FBXO47: variants seen among roughly 807,000 people sequenced by gnomAD.
FBXO47 encodes the protein F-box only protein 47.
In FBXO47, 34 loss-of-function variants were observed where a neutral mutation model predicts 53.9. That is an observed-to-expected ratio of 0.63 (90% CI 0.48 to 0.84). The LOEUF (loss-of-function observed/expected upper bound fraction) is 0.84. Ranked by LOEUF, FBXO47 falls within the 40% of genes least tolerant of loss-of-function variation. The pLI, the probability that FBXO47 is intolerant of heterozygous loss-of-function variation, is 0.00. For missense variants in FBXO47, 485 were observed against 541.3 expected (o/e 0.90, Z 1.03); for synonymous variants, 165 against 181.6 (o/e 0.91, Z 0.73).
chr17:38,948,512 G>A (rs530744272), intron 6 of FBXO47, among the ~76,000 whole-genome samples: 3 of 151,936 alleles, frequency 2.0e-5, no homozygotes, highest in East Asian at 1.9e-4. Flanking sequence ...ACCACGCCCC[G>A]CCCCTATTCT....
At chr17:38,963,285 C>T (rs1001566855) in intron 1 of FBXO47, among the ~76,000 whole-genome samples, 3 of 152,052 alleles carry the variant, frequency 2.0e-5, no homozygotes, top group East Asian at 1.9e-4. Flanking sequence ...TCAAGTGGTT[C>T]TTCTGCCTCA....
At chr17:38,956,119 G>A (rs1905542625) in intron 4 of FBXO47, among the ~76,000 whole-genome samples, 1 of 149,944 alleles carries the variant, frequency 6.7e-6, no homozygotes, top group South Asian at 2.1e-4. Context: ...CTGGAGGACA[G>A]AGTGAGACTC....
At chr17:38,951,527 T>A (rs1301528169) in intron 6 of FBXO47, 54 bp downstream of exon 6, 42 of 1,334,696 alleles carry the variant, frequency 3.1e-5, no homozygotes, top group Non-Finnish European at 3.4e-5. Context: ...TAAAACTCTG[T>A]TTATTTTTTC....
intron 4 of FBXO47, 54 bp downstream of exon 4, chr17:38,957,123 A>T: frequency 1.7e-6 from 2 of 1,170,970 alleles, no homozygotes; most frequent in Non-Finnish European, 2.5e-6. Context: ...GATAATAATA[A>T]AATATCTTTA....
At chr17:38,956,067 T>G (rs1598146959) in intron 4 of FBXO47, among the ~76,000 whole-genome samples, 5 of 129,670 alleles carry the variant, frequency 3.9e-5, no homozygotes, top group Admixed American at 2.5e-4. Flanking sequence ...ACCTGGGAGG[T>G]GGAGCTTGCA....
At position 38,938,624 on chromosome 17, in the gene FBXO47, C is replaced by T. The variant is rs1299530498; in HGVS notation, c.1192G>A (p.Ala398Thr). Residue 398 changes from alanine to threonine, a missense_variant, in exon 10 of 11, where the codon GCA (alanine) becomes ACA (threonine). By Grantham distance (58) the Ala-to-Thr change is moderately conservative. Transcript: ENST00000378079. ...ATTATAACACATGCAAATGCATTTG[C>T]CACATTCTGCAGGAAGTTCTTTCTT... ...VERKNFLQNV[A>T]NAFACVIMEM... 1.2e-6 allele frequency: 2 copies of T among 1,613,646 alleles called. No homozygotes were observed. The highest frequency in any genetic ancestry group is 2.2e-5 in the South Asian group (2 of 91,068).
At chr17:38,967,142 C>T (rs1365471325) in intron 1 of FBXO47, 87 bp downstream of exon 1, 3 of 152,080 alleles carry the variant, frequency 2.0e-5, no homozygotes, top group Non-Finnish European at 4.4e-5. Flanking sequence ...GAGAATCAGA[C>T]CACACGGGGT....
intron 2 of FBXO47, 78 bp downstream of exon 2, chr17:38,962,767 G>A: frequency 4.9e-6 from 5 of 1,012,404 alleles, no homozygotes; most frequent in Non-Finnish European, 7.1e-6. Flanking sequence ...CATGGCCCAA[G>A]ATGACAAACT....
At chr17:38,959,251 T>C (rs542881963) in intron 3 of FBXO47, among the ~76,000 whole-genome samples, 1 of 152,114 alleles carries the variant, frequency 6.6e-6, no homozygotes, top group Non-Finnish European at 1.5e-5. Context: ...TCTTTCCACA[T>C]TGGCCATCTG....
intron 5 of FBXO47, among the ~76,000 whole-genome samples, chr17:38,951,901 G>T (rs1888786530): frequency 6.6e-6 from 1 of 152,108 alleles, no homozygotes; most frequent in Non-Finnish European, 1.5e-5. Flanking sequence ...GTGGTGGCGG[G>T]CACCTGTAAT....
chr17:38,940,354 T>C (rs1414251528), intron 9 of FBXO47, among the ~76,000 whole-genome samples: 3 of 151,934 alleles, frequency 2.0e-5, no homozygotes, highest in Non-Finnish European at 1.5e-5. Flanking sequence ...TTTCTCTTCA[T>C]TACATTTGCT....
chr17:38,966,704 A>G (rs527547889), intron 1 of FBXO47, among the ~76,000 whole-genome samples: 2 of 152,316 alleles, frequency 1.3e-5, no homozygotes, highest in South Asian at 4.1e-4. Flanking sequence ...TTTAAAAATG[A>G]TAAGCCCAAA....
rs757679710 is a variant in FBXO47 at position 38,962,971 on chromosome 17, G to A, written c.55C>T (p.Arg19Cys). ...FTLIPNQKLR[R>C]SNRQTSCYSK... The stretch of plus-strand genomic sequence containing the variant: ...TAACAGCTGGTTTGACGATTACTAC[G>A]TCTAAGTTTCTGGTTGGGAATCAAA... The change falls in exon 2 of 11, where the codon CGT (arginine) becomes TGT (cysteine). Residue 19 changes from arginine to cysteine, a missense_variant. Coordinates refer to ENST00000378079, the MANE Select transcript of FBXO47 (RefSeq NM_001008777.3). The A allele has an allele frequency of 3.7e-5, 59 of 1,612,184 alleles. No individual in the cohort carries two copies. The highest frequency in any genetic ancestry group is 4.5e-5 in the Non-Finnish European group (53 of 1,178,730).
intron 10 of FBXO47, 23 bp downstream of exon 10, chr17:38,938,550 G>A (rs1318949085): frequency 4.4e-6 from 7 of 1,581,034 alleles, no homozygotes; most frequent in Admixed American, 3.4e-5. Flanking sequence ...GCACACCTGT[G>A]CACCAAGTAC....
At chr17:38,946,506 CTATA>C (rs1192567065) in intron 6 of FBXO47, among the ~76,000 whole-genome samples, 1 of 59,534 alleles carries the variant, frequency 1.7e-5, no homozygotes, top group East Asian at 6.4e-4. Flanking sequence ...ATATATATAA[CTATA>C]TAAATATATA....
intron 7 of FBXO47, 127 bp downstream of exon 7, chr17:38,944,830 CACT>C (rs1321958937): frequency 2.0e-5 from 9 of 451,048 alleles, no homozygotes; most frequent in African/African-American, 1.4e-4. Flanking sequence ...ATGATCGCAC[CACT>C]GTGTGCGTGC....
rs986244139 is a variant in FBXO47, at chr17:38,943,850, T to C, written c.794-114A>G. On this transcript the variant is annotated intron_variant, in intron 7 of 10. Transcript: ENST00000378079. ...ATCCCATTACTTATACAAGCTACTTTCATTTTAACTTTTGAAACAAGAAGT... is the reference window on the plus strand; with the variant it reads ...ATCCCATTACTTATACAAGCTACTTCCATTTTAACTTTTGAAACAAGAAGT... 6.4e-6 allele frequency: 6 copies of C among 931,986 alleles called. No individual in the cohort carries two copies. The African/African-American group carries it at 8.6e-5, about 13-fold the overall frequency. The allele number at this position is 931,986 out of a possible 1,614,324, so 57.7% of individuals were successfully genotyped here.
At chr17:38,942,987 G>T in intron 8 of FBXO47, 67 bp from the exon 9 acceptor site, 1 of 1,261,692 alleles carries the variant, frequency 7.9e-7, no homozygotes, top group Non-Finnish European at 1.1e-6. Context: ...ATACCATTAA[G>T]TACATGCAAT....
At chr17:38,954,993 G>T in intron 4 of FBXO47, 60 bp from the exon 5 acceptor site, 3 of 1,250,360 alleles carry the variant, frequency 2.4e-6, no homozygotes, top group Non-Finnish European at 3.4e-6. Context: ...GACAATGGTG[G>T]AACAATGGTT....
Sources: allele counts gnomAD v4.1 joint callset (sites outside exome capture counted in the v4.1 genomes callset), GRCh38; gene constraint gnomAD v4.1.1; transcripts MANE v1.5; gene names NCBI Gene and HGNC (gene_info 2026-07-23, HGNC 2026-07-21).